The following PTMS variants were observed in gnomAD, a reference collection of about 807,000 sequenced individuals.
PTMS encodes parathymosin.
Under a neutral mutation model 18.4 loss-of-function variants are expected in PTMS, and 5 were observed. The ratio of observed to expected loss-of-function variants is 0.27; its 90% CI spans 0.14 to 0.57. PTMS has a LOEUF of 0.57. Ranked by LOEUF, PTMS falls within the 20% of genes least tolerant of loss-of-function variation. The probability of loss-of-function intolerance (pLI) is 0.92; values close to 1 mark genes in which losing one functional copy is unlikely to be tolerated. For missense variants in PTMS, 93 were observed against 124.6 expected, an observed-to-expected ratio of 0.75 and a Z score of 1.21; for synonymous variants, 53 against 47.7, an observed-to-expected ratio of 1.11 and a Z score of -0.46.
At position 6,769,820 on chromosome 12, in the gene PTMS, A is replaced by T. The variant is rs780781097; in HGVS notation, c.118-101A>T. On this transcript the variant is annotated intron_variant, in intron 2 of 4. Coordinates refer to ENST00000309083, the MANE Select transcript of PTMS (RefSeq NM_002824.6). ...CCCTTGCTGCCCCACCCTGTGGCCC[A>T]TCCCAAGCCCTTTTATCACCCAGGC... is the stretch of plus-strand genomic sequence containing the variant. 3 of 1,608,690 alleles carry T rather than the reference A, an allele frequency of 1.9e-6. No homozygotes were observed. The African/African-American group carries it at 4.0e-5, about 22-fold the overall frequency.
rs1046981130 is a variant in PTMS, at chr12:6,770,280, T to C, written c.258+62T>C. 1.2e-6 allele frequency: 2 copies of C among 1,611,264 alleles called. No individual in the cohort carries two copies. The highest frequency in any genetic ancestry group is 2.7e-5 in the African/African-American group (2 of 74,816). On this transcript the variant is annotated intron_variant, in intron 4 of 4. Coordinates refer to ENST00000309083, the MANE Select transcript of PTMS (RefSeq NM_002824.6). The surrounding 1 kb of genome is among the most constrained non-coding windows in gnomAD (Gnocchi z 7.3). ...GGATGCAGCCGGGCTGGGCGCCCTT[T>C]GGATTTGGACCCAGATCCCTGTGTG...
In PTMS at chr12:6,769,638, G is replaced by A. The variant is rs1941812005; in HGVS notation, c.81G>A (p.Lys27=). The change falls in exon 2 of 5, where the codon AAG becomes AAA. Residue 27 remains lysine (K), a synonymous_variant. Coordinates refer to ENST00000309083, the MANE Select transcript of PTMS (RefSeq NM_002824.6). ...LKEKKEKVEE[K]ASRKERKKEV... is the part of the protein sequence containing the mutation. ...AGAAGAAGGAGAAGGTGGAGGAGAA[G>A]GCAAGCCGGAAAGAGCGAAAGAAAG... 5.0e-6 allele frequency: 8 copies of A among 1,614,116 alleles called. No individual in the cohort carries two copies. Among genetic ancestry groups the A allele is most frequent in the Non-Finnish European group, 6.8e-6 (8 of 1,180,004 alleles).
chr12:6,767,669 G>A (rs961591674), intron 1 of PTMS, among the ~76,000 whole-genome samples: 3 of 142,880 alleles, frequency 2.1e-5, no homozygotes, highest in Admixed American at 7.3e-5. Context: ...GAGTGAAACG[G>A]GGGGAGCCAA....
chr12:6,766,584 G>A lies in PTMS; in HGVS notation c.-122G>A. The A allele has an allele frequency of 2.1e-6, 1 of 487,450 alleles. No homozygotes were observed. Among genetic ancestry groups the A allele is most frequent in the Non-Finnish European group, 2.9e-6 (1 of 342,162 alleles). The allele number at this position is 487,450 out of a possible 1,614,324, so 30.2% of individuals were successfully genotyped here. A position where few individuals can be genotyped will look rare whatever the true frequency, so the allele number is the denominator to read the frequency against. On this transcript the variant is annotated 5_prime_UTR_variant, in exon 1 of 5. Transcript: ENST00000309083. ...TTGCCGAGCGGCCGCCGCTGCCGCT[G>A]TCGCCGCCGCCGCCGCCACCGCGCC... is the stretch of plus-strand genomic sequence containing the variant.
At chr12:6,766,859 C>T in intron 1 of PTMS, 109 bp downstream of exon 1, 2 of 708,586 alleles carry the variant, frequency 2.8e-6, no homozygotes, top group South Asian at 6.2e-5. Flanking sequence ...GCGCCCGGGT[C>T]CTGGCGGACC....
intron 1 of PTMS, among the ~76,000 whole-genome samples, chr12:6,768,071 A>C (rs1941795807): frequency 6.6e-6 from 1 of 152,234 alleles, no homozygotes; most frequent in South Asian, 2.1e-4. Context: ...GCTGCTTAGC[A>C]GAAGACCTAG....
chr12:6,766,984 C>G (rs1477059448), intron 1 of PTMS, among the ~76,000 whole-genome samples: 1 of 151,892 alleles, frequency 6.6e-6, no homozygotes, highest in East Asian at 2.0e-4. Context: ...CTCGCCGCTC[C>G]GGTCGCGCCG....
At chr12:6,767,866 G>T (rs1941793680) in intron 1 of PTMS, among the ~76,000 whole-genome samples, 1 of 152,218 alleles carries the variant, frequency 6.6e-6, no homozygotes, top group South Asian at 2.1e-4. Context: ...TAGATGTTCT[G>T]GAGCCATGTT....
At position 6,766,593 on chromosome 12, in the gene PTMS, G is replaced by A. The variant is rs1335709912; in HGVS notation, c.-113G>A. 1.8e-6 allele frequency: 1 copy of A among 546,130 alleles called. No individual in the cohort carries two copies. Among genetic ancestry groups the A allele is most frequent in the South Asian group, 3.8e-5 (1 of 26,140 alleles). 33.8% of individuals were successfully genotyped at this position (546,130 alleles called of 1,614,324 possible). ...GGCCGCCGCTGCCGCTGTCGCCGCC[G>A]CCGCCGCCACCGCGCCAGGTTCCGG... is the stretch of plus-strand genomic sequence containing the variant. On this transcript the variant is annotated 5_prime_UTR_variant, in exon 1 of 5. Transcript: ENST00000309083.
chr12:6,769,949 A>G lies in PTMS; in HGVS notation c.146A>G (p.Glu49Gly), dbSNP rs754641571. 6.4e-7 allele frequency: 1 copy of G among 1,554,956 alleles called. No homozygotes were observed. Among genetic ancestry groups the G allele is most frequent in the South Asian group, 1.2e-5 (1 of 84,712 alleles). Residue 49 changes from glutamate to glycine, a missense_variant, in exon 3 of 5, where the codon GAA becomes GGA. Transcript: ENST00000309083. ...GAGGAGAACGGGGCTGAGGAGGAAG[A>G]AGAAGAAACTGCCGAGGATGGAGAG... ...EEEENGAEEE[E>G]EETAEDGEEE...
chr12:6,770,340 G>A lies in PTMS; in HGVS notation c.259-52G>A, dbSNP rs1941821576. The A allele has an allele frequency of 4.3e-6, 7 of 1,610,226 alleles. No homozygotes were observed. Among genetic ancestry groups the A allele is most frequent in the African/African-American group, 4.0e-5 (3 of 74,724 alleles). The stretch of plus-strand genomic sequence containing the variant: ...GGGGCTGGAACAGGACCGGGACAGG[G>A]GGAGGTCTCCCCTCCCATTTTACAG... On this transcript the variant is annotated intron_variant, in intron 4 of 4. Coordinates refer to ENST00000309083, the MANE Select transcript of PTMS (RefSeq NM_002824.6). This position sits in a 1 kb window ranked among gnomAD's most constrained non-coding sequence, Gnocchi z 7.3.
chr12:6,766,754 C>CGGGCGG lies in PTMS; in HGVS notation c.45+11_45+16dup. ...AGCGGCCGAGTTGAGCGCCAAGGTACGGGCGGGGGCGGCGGCGGCCCGGAC... is the reference window on the plus strand; with the variant it reads ...AGCGGCCGAGTTGAGCGCCAAGGTACGGGCGGGGGCGGGGGCGGCGGCGGCCCGGAC... On this transcript the variant is annotated splice_donor_region_variant and intron_variant, in intron 1 of 4. Transcript: ENST00000309083. The CGGGCGG allele has an allele frequency of 7.6e-6, 8 of 1,057,568 alleles. No individual in the cohort carries two copies. In the South Asian group the frequency reaches 2.0e-4, roughly 26 times the overall value. 65.5% of individuals were successfully genotyped at this position (1,057,568 alleles called of 1,614,324 possible). A position where few individuals can be genotyped will look rare whatever the true frequency, so the allele number is the denominator to read the frequency against.
At position 6,770,191 on chromosome 12, in the gene PTMS, C is replaced by T. The variant is rs375055205; in HGVS notation, c.231C>T (p.Pro77=). 1.2e-5 allele frequency: 19 copies of T among 1,614,008 alleles called. No individual in the cohort carries two copies. In the East Asian group the frequency reaches 1.6e-4, roughly 13 times the overall value. The change falls in exon 4 of 5, where the codon CCC becomes CCT. Residue 77 remains proline, a synonymous_variant. Transcript: ENST00000309083. The surrounding 1 kb of genome is among the most constrained non-coding windows in gnomAD (Gnocchi z 7.3). ...EEEEEEDDEG[P]ALKRAAEEED... ...AAGAAGAAGAGGATGATGAAGGGCC[C>T]GCGCTGAAGAGAGCTGCCGAAGAGG...
At position 6,766,683 on chromosome 12, in the gene PTMS, GC is replaced by G; in HGVS notation, c.-19del. 8.9e-7 allele frequency: 1 copy of G among 1,118,406 alleles called. No homozygotes were observed. 69.3% of individuals were successfully genotyped at this position (1,118,406 alleles called of 1,614,324 possible). A position where few individuals can be genotyped will look rare whatever the true frequency, so the allele number is the denominator to read the frequency against. On this transcript the variant is annotated 5_prime_UTR_variant, in exon 1 of 5. Transcript: ENST00000309083. ...GCCCCGGGACCCCGGCTCCCCGCCAGCCCCGGCCCCGGCCCCGGCACCATGT... is the reference window on the plus strand; with the variant it reads ...GCCCCGGGACCCCGGCTCCCCGCCAGCCCGGCCCCGGCCCCGGCACCATGT...
chr12:6,768,079 T>C (rs1941795894), intron 1 of PTMS, among the ~76,000 whole-genome samples: 1 of 152,166 alleles, frequency 6.6e-6, no homozygotes, highest in African/African-American at 2.4e-5. Context: ...GCAGAAGACC[T>C]AGGGCCCAGG....
Position 6,769,593 on chromosome 12 carries a change from T to G in PTMS, c.46-10T>G, listed in dbSNP as rs912582474. On this transcript the variant is annotated splice_polypyrimidine_tract_variant and intron_variant, in intron 1 of 4. Transcript: ENST00000309083. ...TGTGGTGAGAAAGGTGACCTCTTTC[T>G]CCTTTGCAGGACCTGAAGGAGAAGA... The G allele has an allele frequency of 6.2e-7, 1 of 1,613,848 alleles. No homozygotes were observed. Among genetic ancestry groups the G allele is most frequent in the East Asian group, 2.2e-5 (1 of 44,876 alleles).
intron 1 of PTMS, among the ~76,000 whole-genome samples, chr12:6,768,458 G>A (rs1156833712): frequency 1.3e-5 from 2 of 152,156 alleles, no homozygotes; most frequent in Admixed American, 6.5e-5. Flanking sequence ...TGCCCCCCAG[G>A]GCAGCCGTTC....
In PTMS at chr12:6,770,721, T is replaced by C; in HGVS notation, c.*279T>C. ...CTCTTTGCTCTCTTTCTCCCTCCCC[T>C]ACCAGCCTCATTCTTCCTCCGGTAG... On this transcript the variant is annotated 3_prime_UTR_variant, in exon 5 of 5. Coordinates refer to ENST00000309083, the MANE Select transcript of PTMS (RefSeq NM_002824.6). The surrounding 1 kb of genome is among the most constrained non-coding windows in gnomAD (Gnocchi z 7.3). 1 of 530,554 alleles carries C rather than the reference T, an allele frequency of 1.9e-6. No individual in the cohort carries two copies. Among genetic ancestry groups the C allele is most frequent in the South Asian group, 2.1e-5 (1 of 47,716 alleles). The allele number at this position is 530,554 out of a possible 1,614,324, so 32.9% of individuals were successfully genotyped here.
rs1269239213 is a variant in PTMS, at chr12:6,770,472, C to T, written c.*30C>T. The T allele has an allele frequency of 1.9e-6, 3 of 1,609,086 alleles. No individual in the cohort carries two copies. The African/African-American group carries it at 4.0e-5, about 22-fold the overall frequency. ...CTGCCAACAGGCTGGGGTTGGGAGG[C>T]CTCTCTGGGCCTGGAGGTGGGGGTG... On this transcript the variant is annotated 3_prime_UTR_variant, in exon 5 of 5. Transcript: ENST00000309083. The surrounding 1 kb of genome is among the most constrained non-coding windows in gnomAD (Gnocchi z 7.3).
Sources: gnomAD v4.1 joint callset for allele counts (sites outside exome capture counted in the v4.1 genomes callset) on GRCh38, gnomAD v4.1.1 for gene constraint, Gnocchi (gnomAD v3.1) non-coding constraint, MANE v1.5 for transcripts, NCBI Gene and HGNC (gene_info 2026-07-23, HGNC 2026-07-21) for gene names.